The following SYT17 variants were observed in gnomAD, a reference collection of about 807,000 sequenced individuals.
SYT17 encodes synaptotagmin-17.
Under a neutral mutation model 46.7 loss-of-function variants are expected in SYT17, and 22 were observed. The ratio of observed to expected loss-of-function variants is 0.47; its 90% CI spans 0.34 to 0.67. The LOEUF (loss-of-function observed/expected upper bound fraction) is 0.67, where lower values mean the gene tolerates loss of function less well. Ranked by LOEUF, SYT17 falls within the 30% of genes least tolerant of loss-of-function variation. The pLI, the probability that SYT17 is intolerant of heterozygous loss-of-function variation, is 0.01. For synonymous variants in SYT17, 251 were observed against 248.4 expected, an observed-to-expected ratio of 1.01 and a Z score of -0.10; for missense variants, 519 against 612.8, an observed-to-expected ratio of 0.85 and a Z score of 1.62.
intron 7 of SYT17, among the ~76,000 whole-genome samples, chr16:19,259,521 G>A (rs1317861164): frequency 6.6e-6 from 1 of 152,108 alleles, no homozygotes; most frequent in Non-Finnish European, 1.5e-5. Context: ...TATCTGTCTG[G>A]TACTCACAAT....
chr16:19,229,735 G>A (rs1966614834), intron 7 of SYT17, among the ~76,000 whole-genome samples: 1 of 152,118 alleles, frequency 6.6e-6, no homozygotes, highest in Non-Finnish European at 1.5e-5. Flanking sequence ...TTGAAAGCAG[G>A]GACTCAAACT....
intron 5 of SYT17, among the ~76,000 whole-genome samples, chr16:19,194,853 C>T (rs781641999): frequency 2.0e-5 from 3 of 152,224 alleles, no homozygotes; most frequent in Non-Finnish European, 4.4e-5. Flanking sequence ...CTGCCTTGGC[C>T]TCCCGAAGTC....
chr16:19,238,339 G>A (rs1966877268), intron 7 of SYT17, among the ~76,000 whole-genome samples: 1 of 152,240 alleles, frequency 6.6e-6, no homozygotes, highest in Non-Finnish European at 1.5e-5. Context: ...TAAAGCAAGG[G>A]CTCAGTTGAT....
In SYT17 at chr16:19,267,165, C is replaced by A; in HGVS notation, c.*89C>A. On this transcript the variant is annotated 3_prime_UTR_variant, in exon 8 of 8. Transcript: ENST00000355377. ...TCACATACTATTACATCCACACCTG[C>A]ATACACACTCGCAACATGTCTACAC... 8.5e-7 allele frequency: 1 copy of A among 1,180,736 alleles called. No individual in the cohort carries two copies. The highest frequency in any genetic ancestry group is 1.2e-6 in the Non-Finnish European group (1 of 864,606). 73.1% of individuals were successfully genotyped at this position (1,180,736 alleles called of 1,614,324 possible).
At chr16:19,187,280 G>T (rs770525604) in intron 5 of SYT17, among the ~76,000 whole-genome samples, 1 of 152,108 alleles carries the variant, frequency 6.6e-6, no homozygotes, top group Admixed American at 6.6e-5. Context: ...AGTCTCAAGC[G>T]ATCCTCTCAC....
At chr16:19,251,952 G>T (rs1366397777) in intron 7 of SYT17, among the ~76,000 whole-genome samples, 2 of 152,130 alleles carry the variant, frequency 1.3e-5, no homozygotes, top group Non-Finnish European at 2.9e-5. Context: ...GCTCACACCT[G>T]TAATCCCAGC....
chr16:19,247,442 A>T (rs1967662766), intron 7 of SYT17, among the ~76,000 whole-genome samples: 1 of 152,208 alleles, frequency 6.6e-6, no homozygotes, highest in South Asian at 2.1e-4. Flanking sequence ...AATTTTTAAA[A>T]AAATGACACA....
intron 3 of SYT17, among the ~76,000 whole-genome samples, chr16:19,178,185 C>A (rs931576617): frequency 2.0e-5 from 3 of 151,972 alleles, no homozygotes; most frequent in African/African-American, 7.2e-5. Flanking sequence ...CGGGTTCATG[C>A]CATTCTCTTG....
Position 19,231,156 on chromosome 16 carries a change from A to G in SYT17, c.1228+6318A>G, listed in dbSNP as rs546741204. Among the ~76,000 whole-genome samples the G allele has an allele frequency of 3.3e-4, 50 of 152,280 alleles. No homozygotes were observed. In the South Asian group the frequency reaches 0.01, roughly 31 times the overall value. On this transcript the variant is annotated intron_variant, in intron 7 of 7. Coordinates refer to ENST00000355377, the MANE Select transcript of SYT17 (RefSeq NM_016524.4). ...AAGGCCATCTGTCTTCTTGGAGGTA[A>G]AGTTTTGGAGAAATCCCTAAATTTG...
intron 5 of SYT17, among the ~76,000 whole-genome samples, chr16:19,218,284 C>A (rs1596969356): frequency 6.6e-6 from 1 of 152,306 alleles, no homozygotes. Context: ...TGCTATTGCA[C>A]AATTAGCCCT....
chr16:19,244,343 T>TTA (rs955633645), intron 7 of SYT17, among the ~76,000 whole-genome samples: 2 of 48,712 alleles, frequency 4.1e-5, no homozygotes. Flanking sequence ...TTTATTATTA[T>TTA]TTTTTTTTGA....
rs537446765 is a variant in SYT17, at chr16:19,180,869, T to A, written c.331+330T>A. On this transcript the variant is annotated intron_variant, in intron 4 of 7. Transcript: ENST00000355377. Reference sequence around the variant, plus strand: ...AGTGTGGCTATATTATATAGCAGGGTTTGTCAATTCTGGTGACTTTGGGAG... The same window carrying A: ...AGTGTGGCTATATTATATAGCAGGGATTGTCAATTCTGGTGACTTTGGGAG... 1.4e-4 allele frequency among the ~76,000 whole-genome samples: 21 copies of A among 152,334 alleles called. No individual in the cohort carries two copies. In the East Asian group the frequency reaches 4.0e-3, roughly 29 times the overall value.
At chr16:19,247,176 A>G (rs901923405) in intron 7 of SYT17, among the ~76,000 whole-genome samples, 2 of 152,214 alleles carry the variant, frequency 1.3e-5, no homozygotes, top group African/African-American at 4.8e-5. Context: ...GGAGAAGTAT[A>G]AAGCCCTCTC....
intron 7 of SYT17, among the ~76,000 whole-genome samples, chr16:19,254,965 C>T (rs1968455736): frequency 6.6e-6 from 1 of 152,182 alleles, no homozygotes; most frequent in South Asian, 2.1e-4. Context: ...AAAGAAATTT[C>T]AACCTTGACT....
chr16:19,188,292 C>T (rs1964863033), intron 5 of SYT17, among the ~76,000 whole-genome samples: 1 of 151,946 alleles, frequency 6.6e-6, no homozygotes. Flanking sequence ...GCTGAGAACA[C>T]ATGGACACAG....
chr16:19,267,182 T>C lies in SYT17; in HGVS notation c.*106T>C. 1 of 989,758 alleles carries C rather than the reference T, an allele frequency of 1.0e-6. No individual in the cohort carries two copies. The highest frequency in any genetic ancestry group is 2.8e-5 in the Admixed American group (1 of 35,424). The allele number at this position is 989,758 out of a possible 1,614,324, so 61.3% of individuals were successfully genotyped here. ...CACACCTGCATACACACTCGCAACA[T>C]GTCTACACACGTCCACACACACAGA... On this transcript the variant is annotated 3_prime_UTR_variant, in exon 8 of 8. Coordinates refer to ENST00000355377, the MANE Select transcript of SYT17 (RefSeq NM_016524.4).
intron 7 of SYT17, among the ~76,000 whole-genome samples, chr16:19,236,845 C>A (rs1015987605): frequency 2.0e-5 from 3 of 152,198 alleles, no homozygotes; most frequent in Admixed American, 6.5e-5. Flanking sequence ...TCACATACTG[C>A]TCAGGTGGCT....
At chr16:19,186,585 G>C (rs567267711) in intron 5 of SYT17, among the ~76,000 whole-genome samples, 16 of 152,332 alleles carry the variant, frequency 1.1e-4, no homozygotes, top group Non-Finnish European at 2.4e-4. Flanking sequence ...CGTCACACTC[G>C]GGCTTCCAGC....
chr16:19,217,568 A>G (rs1966144140), intron 5 of SYT17, among the ~76,000 whole-genome samples: 1 of 152,204 alleles, frequency 6.6e-6, no homozygotes, highest in African/African-American at 2.4e-5. Context: ...CTACCATTGC[A>G]TAGATAGGTG....
Sources: allele counts gnomAD v4.1 joint callset (sites outside exome capture counted in the v4.1 genomes callset), GRCh38; gene constraint gnomAD v4.1.1; transcripts MANE v1.5; gene names NCBI Gene and HGNC (gene_info 2026-07-23, HGNC 2026-07-21).